The following DNAH5 variants were observed in gnomAD, a reference collection of about 807,000 sequenced individuals.
DNAH5 encodes dynein axonemal heavy chain 5.
DNAH5 carries 372 observed loss-of-function variants against 518.2 expected under a neutral mutation model. That is an observed-to-expected ratio of 0.72 (90% CI 0.66 to 0.78). DNAH5 has a LOEUF of 0.78. Among genes scored for constraint, DNAH5 ranks in the 30% least tolerant of loss-of-function variants. DNAH5 has a pLI of 0.00. For synonymous variants in DNAH5, 2,039 were observed against 2,025.9 expected, an observed-to-expected ratio of 1.01 and a Z score of -0.17; for missense variants, 5,523 against 5,687.0, an observed-to-expected ratio of 0.97 and a Z score of 0.93.
At position 13,708,227 on chromosome 5, in the gene DNAH5, T is replaced by C; in HGVS notation, c.13234A>G (p.Thr4412Ala). Reference sequence around the variant, plus strand: ...CCATCAATAGCAAGTTTCAGCTCAGTGAGGGTGCTGCGGACAAGGCTGAGT... The same window carrying C: ...CCATCAATAGCAAGTTTCAGCTCAGCGAGGGTGCTGCGGACAAGGCTGAGT... ...RVLSLVRSTL[T>A]ELKLAIDGTI... The change falls in exon 76 of 79, where the codon ACT becomes GCT. Residue 4412 changes from threonine (T) to alanine (A), a missense_variant. This residue lies in a region of DNAH5 where 387 missense variants were observed against 430.0 expected (regional missense o/e 0.90). Coordinates refer to ENST00000265104, the MANE Select transcript of DNAH5 (RefSeq NM_001369.3). 6.2e-7 allele frequency: 1 copy of C among 1,614,184 alleles called. No individual in the cohort carries two copies. Among genetic ancestry groups the C allele is most frequent in the Non-Finnish European group, 8.5e-7 (1 of 1,180,010 alleles).
chr5:13,736,835 T>C (rs1290219347), intron 66 of DNAH5, among the ~76,000 whole-genome samples: 1 of 152,130 alleles, frequency 6.6e-6, no homozygotes, highest in Non-Finnish European at 1.5e-5. Flanking sequence ...TGGCTGAGGA[T>C]AAAAATCTCC....
chr5:13,920,510 G>A lies in DNAH5; in HGVS notation c.768C>T (p.Cys256=). The part of the protein sequence containing the change: ...NPETLGKIED[C]MKVWIKQTEQ... ...CTGTCTGTTTGATCCATACTTTCATGCAATCCTCTATTTTTCCCAAAGTCT... is the reference window on the plus strand; with the variant it reads ...CTGTCTGTTTGATCCATACTTTCATACAATCCTCTATTTTTCCCAAAGTCT... Residue 256 remains cysteine, a synonymous_variant, in exon 6 of 79, where the codon TGC becomes TGT. Transcript: ENST00000265104. 1 of 1,614,144 alleles carries A rather than the reference G, an allele frequency of 6.2e-7. No homozygotes were observed. Among genetic ancestry groups the A allele is most frequent in the East Asian group, 2.2e-5 (1 of 44,866 alleles).
chr5:13,777,739 A>C (rs1001792945), intron 53 of DNAH5, among the ~76,000 whole-genome samples: 1 of 152,202 alleles, frequency 6.6e-6, no homozygotes, highest in African/African-American at 2.4e-5. Flanking sequence ...AATTAAACTA[A>C]AATAAATAAA....
chr5:13,851,475 A>AT (rs1013984908), intron 30 of DNAH5, among the ~76,000 whole-genome samples: 1 of 151,514 alleles, frequency 6.6e-6, no homozygotes, highest in Non-Finnish European at 1.5e-5. Flanking sequence ...GCCTAGCTAA[A>AT]TTTTTTTTAT....
intron 42 of DNAH5, 74 bp downstream of exon 42, chr5:13,817,474 A>C (rs1360021013): frequency 1.4e-5 from 20 of 1,455,914 alleles, no homozygotes; most frequent in Non-Finnish European, 1.5e-5. Flanking sequence ...CAGTTGTTCT[A>C]CTAATTCTGT....
intron 25 of DNAH5, 60 bp from the exon 26 acceptor site, chr5:13,866,342 C>T: frequency 5.3e-6 from 7 of 1,323,770 alleles, no homozygotes; most frequent in Admixed American, 1.9e-5. Context: ...ATTTCATGAA[C>T]TCAATCCATA....
chr5:14,004,077 A>G (rs1215051272), intron 1 of DNAH5, among the ~76,000 whole-genome samples: 1 of 152,244 alleles, frequency 6.6e-6, no homozygotes, highest in Non-Finnish European at 1.5e-5. Context: ...CAGCAATGAC[A>G]TCAAGAACAA....
intron 53 of DNAH5, among the ~76,000 whole-genome samples, chr5:13,780,174 G>A (rs1396020747): frequency 6.6e-6 from 1 of 152,152 alleles, no homozygotes; most frequent in Non-Finnish European, 1.5e-5. Flanking sequence ...CTCATATTGA[G>A]GTTTCAGTTT....
At chr5:13,778,136 G>T (rs931563083) in intron 53 of DNAH5, among the ~76,000 whole-genome samples, 1 of 152,116 alleles carries the variant, frequency 6.6e-6, no homozygotes, top group African/African-American at 2.4e-5. Flanking sequence ...AGAGCCATCT[G>T]ATTTTTTAAA....
At chr5:13,847,880 GT>G (rs1414601660) in intron 31 of DNAH5, among the ~76,000 whole-genome samples, 14 of 152,182 alleles carry the variant, frequency 9.2e-5, no homozygotes, top group Non-Finnish European at 2.1e-4. Flanking sequence ...TCCTCGGCAA[GT>G]GTTTTAGTGG....
In DNAH5 at chr5:13,891,015, C is replaced by T. The variant is rs2151948854; in HGVS notation, c.2538G>A (p.Glu846=). The T allele has an allele frequency of 1.2e-6, 2 of 1,614,170 alleles. No homozygotes were observed. The highest frequency in any genetic ancestry group is 1.7e-4 in the Middle Eastern group (1 of 6,060). ...GAAACTCTTCACAGGTTAGTGGCTC[C>T]TCCTGGGGAAGCTGACAAAGAGGCG... The part of the protein sequence containing the change: ...SSTPLCQLPQ[E]EPLTCEEFLQ... The change falls in exon 17 of 79, where the codon GAG becomes GAA. Residue 846 remains glutamate (E), a synonymous_variant. Transcript: ENST00000265104.
At chr5:13,858,504 AC>A (rs1383534488) in intron 30 of DNAH5, among the ~76,000 whole-genome samples, 1 of 152,180 alleles carries the variant, frequency 6.6e-6, no homozygotes, top group Non-Finnish European at 1.5e-5. Context: ...CCACCATGGC[AC>A]CTGTATTCCT....
intron 75 of DNAH5, among the ~76,000 whole-genome samples, chr5:13,713,543 C>A (rs960719087): frequency 6.9e-6 from 1 of 145,356 alleles, no homozygotes; most frequent in Non-Finnish European, 1.5e-5. Context: ...GCATTTGGAG[C>A]GATCTGGATG....
At chr5:13,991,278 G>A (rs746746366) in intron 1 of DNAH5, among the ~76,000 whole-genome samples, 5 of 152,174 alleles carry the variant, frequency 3.3e-5, no homozygotes, top group Non-Finnish European at 5.9e-5. Context: ...CCAGAGAGCT[G>A]AAAGGGAACA....
chr5:13,733,436 C>T (rs1746895001), intron 68 of DNAH5, among the ~76,000 whole-genome samples: 2 of 152,090 alleles, frequency 1.3e-5, no homozygotes, highest in African/African-American at 4.8e-5. Flanking sequence ...GCTCTAGAAA[C>T]GGGGGACTAG....
In DNAH5 at chr5:13,721,150, C is replaced by A; in HGVS notation, c.12129G>T (p.Thr4043=). 6.2e-7 allele frequency: 1 copy of A among 1,614,098 alleles called. No individual in the cohort carries two copies. Among genetic ancestry groups the A allele is most frequent in the Non-Finnish European group, 8.5e-7 (1 of 1,179,988 alleles). ...EKTWEESDPR[T]PLICLLSMGS... ...CCATAGACAGGAGACAGATGAGTGG[C>A]GTCCGTGGATCAGATTCCTCCCACG... Residue 4043 remains threonine, a synonymous_variant, in exon 71 of 79, where the codon ACG becomes ACT. Transcript: ENST00000265104.
chr5:13,987,212 C>A (rs1173995844), intron 1 of DNAH5, among the ~76,000 whole-genome samples: 1 of 151,992 alleles, frequency 6.6e-6, no homozygotes, highest in Non-Finnish European at 1.5e-5. Context: ...GGATTGGACC[C>A]CTCATAAATT....
intron 12 of DNAH5, 86 bp downstream of exon 12, chr5:13,911,300 T>G: frequency 9.8e-7 from 1 of 1,024,840 alleles, no homozygotes; most frequent in Non-Finnish European, 1.5e-6. Context: ...ACCTCTGCCT[T>G]CTGATTGGGT....
At chr5:13,903,758 C>T (rs79791407) in intron 12 of DNAH5, among the ~76,000 whole-genome samples, 4,002 of 151,890 alleles carry the variant, frequency 0.026, 187 homozygotes, top group African/African-American at 0.092. Flanking sequence ...ACATATAAAA[C>T]GAGAATAATA....
Sources: gnomAD v4.1 joint callset for allele counts (sites outside exome capture counted in the v4.1 genomes callset) on GRCh38, gnomAD v4.1.1 for gene constraint, gnomAD v4.1.1 regional missense constraint, MANE v1.5 for transcripts, NCBI Gene and HGNC (gene_info 2026-07-23, HGNC 2026-07-21) for gene names.